Variants in BCAR3 observed in about 807,000 individuals in gnomAD.
The protein encoded by BCAR3 is BCAR3 adaptor protein, NSP family member.
In BCAR3, 37 loss-of-function variants were observed where a neutral mutation model predicts 80.1. The observed-to-expected ratio is 0.46, with a 90% CI of 0.36 to 0.61. The LOEUF is 0.61. BCAR3 is among the 20% of genes least tolerant of loss of function. The pLI, the probability that BCAR3 is intolerant of heterozygous loss-of-function variation, is 0.00. For missense variants in BCAR3, 978 were observed against 1,068.2 expected (o/e 0.92, Z 1.18); for synonymous variants, 389 against 418.9 (o/e 0.93, Z 0.87).
intron 2 of BCAR3, among the ~76,000 whole-genome samples, chr1:93,763,575 C>A (rs1327761732): frequency 1.3e-5 from 2 of 152,216 alleles, no homozygotes; most frequent in African/African-American, 2.4e-5. Flanking sequence ...AGCCTCCAGG[C>A]TTTAAATTCC....
chr1:93,647,697 C>T (rs236304), intron 2 of BCAR3, among the ~76,000 whole-genome samples: 6,569 of 152,214 alleles, frequency 0.043, 215 homozygotes, highest in African/African-American at 0.083. Context: ...AGATTTGAAG[C>T]GCTCTCACGT....
At chr1:93,761,272 C>A (rs532852891) in intron 2 of BCAR3, among the ~76,000 whole-genome samples, 20 of 152,288 alleles carry the variant, frequency 1.3e-4, no homozygotes, top group African/African-American at 4.8e-4. Flanking sequence ...CTGACCCCAA[C>A]GTCCTGAGCC....
chr1:93,567,742 C>G lies in BCAR3; in HGVS notation c.2084G>C (p.Arg695Thr). The G allele has an allele frequency of 1.2e-6, 2 of 1,613,552 alleles. No individual in the cohort carries two copies. Among genetic ancestry groups the G allele is most frequent in the East Asian group, 4.5e-5 (2 of 44,890 alleles). The change falls in exon 10 of 12, where the codon AGA becomes ACA. Residue 695 changes from arginine (R) to threonine (T), a missense_variant and splice_region_variant. Transcript: ENST00000260502. ...KPFSKLLHEG[R>T]ESTCVPPNNV... is the part of the protein sequence containing the mutation. ...GCTTGCTCTGCCCACGTGCTCACCTCTGCCTTCATGCAGGAGTTTGCTGAA... is the reference window on the plus strand; with the variant it reads ...GCTTGCTCTGCCCACGTGCTCACCTGTGCCTTCATGCAGGAGTTTGCTGAA...
intron 2 of BCAR3, among the ~76,000 whole-genome samples, chr1:93,769,877 C>A (rs1299619924): frequency 6.6e-6 from 1 of 152,092 alleles, no homozygotes; most frequent in East Asian, 1.9e-4. Flanking sequence ...TTAGGAGACC[C>A]ACTTGTGGGC....
chr1:93,762,868 A>G (rs1009989835), intron 2 of BCAR3, among the ~76,000 whole-genome samples: 4 of 151,524 alleles, frequency 2.6e-5, no homozygotes, highest in African/African-American at 9.7e-5. Context: ...ATTCCACCTC[A>G]AGCTCCTTCA....
At chr1:93,799,628 G>C (rs745639490) in intron 2 of BCAR3, among the ~76,000 whole-genome samples, 1 of 152,106 alleles carries the variant, frequency 6.6e-6, no homozygotes, top group South Asian at 2.1e-4. Flanking sequence ...TCTTGTTTCA[G>C]CTAATTGTTC....
chr1:93,830,488 T>A lies in BCAR3; in HGVS notation c.-63+15079A>T, dbSNP rs140718757. Among the ~76,000 whole-genome samples, 4 of 152,264 alleles carry A rather than the reference T, an allele frequency of 2.6e-5. No homozygotes were observed. In the East Asian group the frequency reaches 7.7e-4, roughly 29 times the overall value. ...TTCCCGCCCCACCTTAACTGAGCGATTAACCTTGTGAAATTCCTGCTCCTG... is the reference window on the plus strand; with the variant it reads ...TTCCCGCCCCACCTTAACTGAGCGAATAACCTTGTGAAATTCCTGCTCCTG... On this transcript the variant is annotated intron_variant, in intron 2 of 13. Coordinates refer to the BCAR3 transcript ENST00000370244.
intron 2 of BCAR3, among the ~76,000 whole-genome samples, chr1:93,755,162 G>A (rs1206908344): frequency 6.6e-6 from 1 of 152,130 alleles, no homozygotes; most frequent in Non-Finnish European, 1.5e-5. Flanking sequence ...TTGCATAGCT[G>A]TATAACATGT....
intron 2 of BCAR3, among the ~76,000 whole-genome samples, chr1:93,765,815 C>T (rs1015454802): frequency 1.3e-5 from 2 of 151,876 alleles, no homozygotes; most frequent in Middle Eastern, 3.2e-3. Flanking sequence ...TATAGGCGCC[C>T]ACCACCATGC....
intron 9 of BCAR3, chr1:93,571,432 A>T (rs1407764027): frequency 6.5e-6 from 3 of 459,112 alleles, no homozygotes; most frequent in African/African-American, 2.0e-5. Flanking sequence ...TGGGAGGTGG[A>T]GGTTGCAGTG....
At chr1:93,611,554 TG>T (rs1674948487) in intron 3 of BCAR3, among the ~76,000 whole-genome samples, 1 of 152,206 alleles carries the variant, frequency 6.6e-6, no homozygotes, top group Admixed American at 6.5e-5. Context: ...ACCCTCAACA[TG>T]GCTGGAACAT....
chr1:93,575,255 G>A lies in BCAR3; in HGVS notation c.1802+759C>T, dbSNP rs374220000. Among the ~76,000 whole-genome samples the A allele has an allele frequency of 2.6e-5, 4 of 152,176 alleles. No individual in the cohort carries two copies. The East Asian group carries it at 7.7e-4, about 29-fold the overall frequency. On this transcript the variant is annotated intron_variant, in intron 8 of 11. Transcript: ENST00000260502. The stretch of plus-strand genomic sequence containing the variant: ...GGAAAGCCATGGGCAGTCAGTAATG[G>A]CAACTAGGACATGGGCTGGACAGAC...
At chr1:93,714,283 A>G (rs1482240869) in intron 2 of BCAR3, among the ~76,000 whole-genome samples, 1 of 152,178 alleles carries the variant, frequency 6.6e-6, no homozygotes, top group African/African-American at 2.4e-5. Flanking sequence ...GCCCGGCCCC[A>G]TCATACTTTT....
At chr1:93,698,813 A>G (rs1649525956) in intron 3 of BCAR3, among the ~76,000 whole-genome samples, 1 of 152,102 alleles carries the variant, frequency 6.6e-6, no homozygotes, top group Non-Finnish European at 1.5e-5. Context: ...CTTTTGTTTC[A>G]TTCGTATTTA....
intron 2 of BCAR3, among the ~76,000 whole-genome samples, chr1:93,839,935 G>A (rs1264968527): frequency 6.6e-6 from 1 of 152,168 alleles, no homozygotes; most frequent in African/African-American, 2.4e-5. Context: ...GGGTGGGGCC[G>A]AGAGCCTGCA....
intron 3 of BCAR3, among the ~76,000 whole-genome samples, chr1:93,697,562 G>A (rs976893497): frequency 1.3e-5 from 2 of 152,192 alleles, no homozygotes; most frequent in Non-Finnish European, 2.9e-5. Context: ...TATAGGAGAT[G>A]GGGAGACCTT....
chr1:93,586,647 T>C lies in BCAR3; in HGVS notation c.929+2330A>G, dbSNP rs533818830. On this transcript the variant is annotated intron_variant, in intron 5 of 11. Transcript: ENST00000260502. This position sits in a 1 kb window ranked among gnomAD's most constrained non-coding sequence, Gnocchi z 4.2. ...AAACTGTTCTCCATAGTGGTTGTAC[T>C]AATTTACATTCCCCTCAACAGTGTA... is the stretch of plus-strand genomic sequence containing the variant. Among the ~76,000 whole-genome samples, 11 of 152,364 alleles carry C rather than the reference T, an allele frequency of 7.2e-5. No homozygotes were observed. In the South Asian group the frequency reaches 1.7e-3, roughly 23 times the overall value.
At chr1:93,759,044 G>A (rs1312536988) in intron 2 of BCAR3, among the ~76,000 whole-genome samples, 4 of 152,076 alleles carry the variant, frequency 2.6e-5, no homozygotes, top group Non-Finnish European at 5.9e-5. Context: ...GCAAAATTAG[G>A]TATAACCCCA....
chr1:93,653,455 T>C (rs781756575), intron 2 of BCAR3, among the ~76,000 whole-genome samples: 2 of 152,252 alleles, frequency 1.3e-5, no homozygotes, highest in Non-Finnish European at 2.9e-5. Context: ...ATATATGCTC[T>C]TTCCCTCTAC....
Sources: gnomAD v4.1 joint callset for allele counts (sites outside exome capture counted in the v4.1 genomes callset) on GRCh38, gnomAD v4.1.1 for gene constraint, Gnocchi (gnomAD v3.1) non-coding constraint, MANE v1.5 for transcripts, NCBI Gene and HGNC (gene_info 2026-07-23, HGNC 2026-07-21) for gene names.